Variants in PTPRK observed in about 807,000 individuals in gnomAD.
PTPRK encodes receptor-type tyrosine-protein phosphatase kappa.
PTPRK carries 75 observed loss-of-function variants against 178.0 expected under a neutral mutation model. The observed-to-expected ratio is 0.42, with a 90% CI of 0.35 to 0.51. PTPRK has a LOEUF of 0.51. Ranked by LOEUF, PTPRK falls within the 20% of genes least tolerant of loss-of-function variation. The pLI, the probability that PTPRK is intolerant of heterozygous loss-of-function variation, is 0.02. For synonymous variants in PTPRK, 637 were observed against 620.6 expected (o/e 1.03, Z -0.39); for missense variants, 1,441 against 1,797.8 (o/e 0.80, Z 3.59).
chr6:128,240,964 C>G (rs1461398592), intron 4 of PTPRK, among the ~76,000 whole-genome samples: 1 of 152,176 alleles, frequency 6.6e-6, no homozygotes, highest in East Asian at 1.9e-4. Flanking sequence ...GCCGTATCAC[C>G]CTAAAACTGC....
chr6:127,998,746 T>C lies in PTPRK; in HGVS notation c.2653A>G (p.Ser885Gly). 6.3e-7 allele frequency: 1 copy of C among 1,599,452 alleles called. No homozygotes were observed. Among genetic ancestry groups the C allele is most frequent in the Non-Finnish European group, 8.5e-7 (1 of 1,170,964 alleles). The change falls in exon 16 of 30, where the codon AGC becomes GGC. Residue 885 changes from serine (S) to glycine (G), a missense_variant. Physicochemically the swap from Ser to Gly is moderately conservative, Grantham distance 56. Around this residue, in one of 4 missense-constraint regions of PTPRK, gnomAD observed 945 missense variants for 1,080.6 expected, o/e 0.87. Transcript: ENST00000368226. ...QHINLMKTSDSYGFKEEYESF... is the reference protein window; with the variant it reads ...QHINLMKTSDGYGFKEEYESF... ...TCATATTCCTCTTTGAACCCATAGC[T>C]GTCTGATGTCTTCATGAGATTAATG...
intron 7 of PTPRK, among the ~76,000 whole-genome samples, chr6:128,147,825 A>G (rs1057388879): frequency 3.3e-5 from 5 of 152,202 alleles, no homozygotes; most frequent in South Asian, 4.1e-4. Context: ...AATGATTAAT[A>G]TAAGTTTACA....
At chr6:128,345,413 A>C (rs1280757230) in intron 2 of PTPRK, among the ~76,000 whole-genome samples, 1 of 152,186 alleles carries the variant, frequency 6.6e-6, no homozygotes, top group Admixed American at 6.5e-5. Context: ...TCATCTGTTT[A>C]ATTATTCTGA....
intron 22 of PTPRK, among the ~76,000 whole-genome samples, 170 bp downstream of exon 22, chr6:127,985,551 T>C (rs1172111858): frequency 1.3e-5 from 2 of 152,236 alleles, no homozygotes; most frequent in Non-Finnish European, 2.9e-5. Flanking sequence ...GTTCCTGTTT[T>C]ATAGACTACT....
chr6:128,287,006 T>A (rs1052051312), intron 3 of PTPRK, among the ~76,000 whole-genome samples: 5 of 152,174 alleles, frequency 3.3e-5, no homozygotes, highest in African/African-American at 7.2e-5. Context: ...TCCTGCCTCT[T>A]AAAGTTTTAC....
chr6:128,031,847 G>A (rs2114800099), intron 13 of PTPRK, among the ~76,000 whole-genome samples: 1 of 152,172 alleles, frequency 6.6e-6, no homozygotes, highest in African/African-American at 2.4e-5. Flanking sequence ...CTCTTTCCCT[G>A]TAAGAAAAAC....
chr6:127,980,297 C>G (rs530642097), intron 25 of PTPRK, among the ~76,000 whole-genome samples: 33 of 151,234 alleles, frequency 2.2e-4, no homozygotes, highest in African/African-American at 7.8e-4. Context: ...GCAACAAGAG[C>G]GAAACTCTGT....
chr6:128,145,778 C>T (rs1055391703), intron 7 of PTPRK, among the ~76,000 whole-genome samples: 1 of 152,146 alleles, frequency 6.6e-6, no homozygotes, highest in Non-Finnish European at 1.5e-5. Context: ...TATTATCTTA[C>T]AACATACGTA....
intron 1 of PTPRK, among the ~76,000 whole-genome samples, chr6:128,516,562 A>T (rs1249087914): frequency 6.6e-6 from 1 of 152,206 alleles, no homozygotes; most frequent in Non-Finnish European, 1.5e-5. Context: ...CCTAGCAGGT[A>T]ATAAGTATAA....
At chr6:128,289,897 T>C (rs1823091697) in intron 3 of PTPRK, among the ~76,000 whole-genome samples, 1 of 152,170 alleles carries the variant, frequency 6.6e-6, no homozygotes, top group Non-Finnish European at 1.5e-5. Context: ...TATATAATAA[T>C]GAAGTATCTT....
chr6:128,068,230 T>C (rs553683036), intron 11 of PTPRK, among the ~76,000 whole-genome samples: 13 of 152,348 alleles, frequency 8.5e-5, no homozygotes, highest in African/African-American at 3.1e-4. Flanking sequence ...AGGGCGGTGC[T>C]AGAAGCACCC....
intron 13 of PTPRK, among the ~76,000 whole-genome samples, chr6:128,042,410 C>T (rs549368021): frequency 1.3e-4 from 20 of 152,070 alleles, no homozygotes; most frequent in Non-Finnish European, 2.8e-4. Flanking sequence ...GCAGGGCTTT[C>T]TTTTTCTACA....
intron 1 of PTPRK, among the ~76,000 whole-genome samples, chr6:128,434,560 A>G (rs1170950407): frequency 6.6e-6 from 1 of 152,142 alleles, no homozygotes; most frequent in East Asian, 1.9e-4. Context: ...TTCACCTCAT[A>G]TATTACTGCT....
intron 1 of PTPRK, among the ~76,000 whole-genome samples, chr6:128,480,398 A>AAAAATT (rs111491262): frequency 6.6e-6 from 1 of 151,750 alleles, no homozygotes; most frequent in Non-Finnish European, 1.5e-5. Context: ...CCCTAGGCTC[A>AAAAATT]TAAAGTTATT....
intron 3 of PTPRK, among the ~76,000 whole-genome samples, chr6:128,302,341 A>G (rs1035404999): frequency 6.7e-6 from 1 of 149,604 alleles, no homozygotes; most frequent in Non-Finnish European, 1.5e-5. Flanking sequence ...GCAGTGAGCC[A>G]AGATCGCACC....
rs1366822695 is a variant in PTPRK at position 128,089,743 on chromosome 6, T to C, written c.1412A>G (p.Asn471Ser). 1 of 1,612,970 alleles carries C rather than the reference T, an allele frequency of 6.2e-7. No individual in the cohort carries two copies. The highest frequency in any genetic ancestry group is 8.5e-7 in the Non-Finnish European group (1 of 1,178,946). Residue 471 changes from asparagine (N) to serine (S), a missense_variant, in exon 8 of 30, where the codon AAT becomes AGT. Transcript: ENST00000368226. ...TNVSLKMILT[N>S]PEGRKESEET... ...TTCACTCTCCTTCCTTCCCTCTGGA[T>C]TGGTTAGGATCATCTTGAGGCTGAC...
intron 11 of PTPRK, among the ~76,000 whole-genome samples, chr6:128,078,211 A>C (rs1784177181): frequency 6.6e-6 from 1 of 152,022 alleles, no homozygotes; most frequent in South Asian, 2.1e-4. Context: ...TGAATGGTTC[A>C]GTGCATGAAT....
intron 13 of PTPRK, chr6:128,063,508 T>G (rs957212783): frequency 1.3e-5 from 2 of 152,182 alleles, no homozygotes; most frequent in African/African-American, 2.4e-5. Flanking sequence ...CTTTTACAAT[T>G]TTGGTTCTAC....
chr6:128,185,524 G>A (rs1802612905), intron 6 of PTPRK, among the ~76,000 whole-genome samples: 1 of 152,012 alleles, frequency 6.6e-6, no homozygotes, highest in Non-Finnish European at 1.5e-5. Flanking sequence ...GGACTCAACA[G>A]CTATAGCTCT....
Sources: allele counts gnomAD v4.1 joint callset (sites outside exome capture counted in the v4.1 genomes callset), GRCh38; gene constraint gnomAD v4.1.1; regional missense constraint gnomAD v4.1.1; transcripts MANE v1.5; gene names NCBI Gene and HGNC (gene_info 2026-07-23, HGNC 2026-07-21).